Variants in ALDH3B2 observed in about 807,000 individuals in gnomAD.
The protein encoded by ALDH3B2 is aldehyde dehydrogenase 3 family member B2, also known as aldehyde dehydrogenase family 3 member B2.
A neutral mutation model predicts 36.7 loss-of-function variants in ALDH3B2; 45 were observed. The observed-to-expected ratio is 1.23, with a 90% CI of 0.97 to 1.57. The LOEUF is 1.57. Ranked by LOEUF, ALDH3B2 falls within the 40% of genes most tolerant of loss-of-function variation. The pLI is 0.00. For synonymous variants in ALDH3B2, 217 were observed against 226.5 expected (o/e 0.96, Z 0.38); for missense variants, 464 against 513.3 (o/e 0.90, Z 0.93).
exon 7 of ALDH3B2, chr11:67,665,438 T>A: frequency 6.2e-7 from 1 of 1,613,916 alleles, no homozygotes; most frequent in Non-Finnish European, 8.5e-7. Flanking sequence ...GTGATGGTGC[T>A]CTGCAGGGCG....
At chr11:67,667,045 C>T in intron 2 of ALDH3B2, 29 bp from the exon 3 acceptor site, 1 of 1,402,624 alleles carries the variant, frequency 7.1e-7, no homozygotes, top group East Asian at 2.3e-5. Flanking sequence ...TCAGAGTGGT[C>T]AGGCCCAGAC....
intron 1 of ALDH3B2, among the ~76,000 whole-genome samples, chr11:67,668,520 CTGTGTCTTTGTGTATCCGTGTGTCTGTG>C (rs1187939222): frequency 2.6e-5 from 4 of 152,092 alleles, no homozygotes; most frequent in Admixed American, 6.5e-5. Flanking sequence ...TGCGCAAATC[CTGTGTCTTTGTGTATCCGTGTGTCTGTG>C]TGTGTCTTTG....
At chr11:67,668,903 T>A (rs1186217650) in intron 1 of ALDH3B2, among the ~76,000 whole-genome samples, 1 of 151,284 alleles carries the variant, frequency 6.6e-6, no homozygotes, top group Non-Finnish European at 1.5e-5. Flanking sequence ...TGTGTATGGG[T>A]GCTGTGTGTC....
In ALDH3B2 at chr11:67,663,640, GT is replaced by G. The variant is rs765018419; in HGVS notation, c.973+21del. 9 of 1,598,444 alleles carry G rather than the reference GT, an allele frequency of 5.6e-6. No individual in the cohort carries two copies. In the Admixed American group the frequency reaches 1.4e-4, roughly 24 times the overall value. On this transcript the variant is annotated intron_variant, in intron 9 of 9. Transcript: ENST00000349015. Reference sequence around the variant, plus strand: ...GTACCAAAGCCAAGCTTCCCTAGGGGTGGAAATGGGCAGGGACCCACCGACT... The same window carrying G: ...GTACCAAAGCCAAGCTTCCCTAGGGGGGAAATGGGCAGGGACCCACCGACT...
chr11:67,669,620 T>TGTC (rs1309130214), intron 1 of ALDH3B2, among the ~76,000 whole-genome samples: 1 of 139,630 alleles, frequency 7.2e-6, no homozygotes. Flanking sequence ...TGTATGGGTG[T>TGTC]TATATGTGTA....
Position 67,664,387 on chromosome 11 carries a change from C to T in ALDH3B2, c.873+9G>A. ...CCCTCCATTGCCCCCAACCCGGCCG[C>T]ACCCCCACCTGGCTGCTGTTGGAGA... On this transcript the variant is annotated intron_variant, in intron 8 of 9. Transcript: ENST00000349015. 6.2e-7 allele frequency: 1 copy of T among 1,614,014 alleles called. No homozygotes were observed. The highest frequency in any genetic ancestry group is 1.7e-5 in the Admixed American group (1 of 60,026).
chr11:67,676,295 C>A (rs1241071132), upstream of ALDH3B2, among the ~76,000 whole-genome samples: 1 of 151,990 alleles, frequency 6.6e-6, no homozygotes, highest in African/African-American at 2.4e-5. Context: ...GAAATCAACT[C>A]CAAAAAGAAC....
chr11:67,666,060 T>C, intron 6 of ALDH3B2, 62 bp downstream of exon 6: 5 of 1,008,216 alleles, frequency 5.0e-6, no homozygotes, highest in Non-Finnish European at 7.4e-6. Context: ...TCCACAACCC[T>C]CCCACCCTCT....
chr11:67,672,986 A>G (rs1856172876), intron 1 of ALDH3B2, among the ~76,000 whole-genome samples: 1 of 142,272 alleles, frequency 7.0e-6, no homozygotes, highest in African/African-American at 2.7e-5. Context: ...GCTGGAGTGC[A>G]GTGGTGCGAT....
chr11:67,663,038 A>G (rs1349090689), exon 10 of ALDH3B2: 1 of 802,766 alleles, frequency 1.2e-6, no homozygotes, highest in East Asian at 2.5e-5. Context: ...CGTCCCCCAG[A>G]TAGAAGCAAG....
exon 10 of ALDH3B2, chr11:67,662,855 G>A (rs749790269): frequency 7.0e-6 from 2 of 285,650 alleles, no homozygotes; most frequent in South Asian, 4.3e-5. Flanking sequence ...GCTCTCAACC[G>A]TTCAGGGCTG....
chr11:67,669,496 CTG>C (rs1049031814), intron 1 of ALDH3B2, among the ~76,000 whole-genome samples: 1 of 113,776 alleles, frequency 8.8e-6, no homozygotes, highest in African/African-American at 3.5e-5. Flanking sequence ...GTATGGATGT[CTG>C]TGTGTCTGCG....
chr11:67,663,437 A>T, intron 9 of ALDH3B2, 38 bp from the exon 10 acceptor site: 1 of 1,582,660 alleles, frequency 6.3e-7, no homozygotes, highest in Non-Finnish European at 8.6e-7. Context: ...GAGACCAGGC[A>T]GCCCATGGAG....
At chr11:67,665,255 G>T in intron 7 of ALDH3B2, 30 bp downstream of exon 7, 1 of 1,571,910 alleles carries the variant, frequency 6.4e-7, no homozygotes, top group Non-Finnish European at 8.6e-7. Context: ...TCTTGGCCCA[G>T]GTGGGCTGCG....
At position 67,670,489 on chromosome 11, in the gene ALDH3B2, C is replaced by T. The variant is rs1250240870; in HGVS notation, c.-244-2854G>A. Among the ~76,000 whole-genome samples the T allele has an allele frequency of 3.9e-5, 6 of 152,118 alleles. No homozygotes were observed. The East Asian group carries it at 1.2e-3, about 29-fold the overall frequency. On this transcript the variant is annotated intron_variant, in intron 1 of 9. Transcript: ENST00000349015. The stretch of plus-strand genomic sequence containing the variant: ...CAGTGGGGGTGGGTGGTGAGCAGGG[C>T]CTTGGCATCCCCAGTGAGTGTCCTG...
rs779431883 is a variant in ALDH3B2, at chr11:67,663,470, C to T, written c.974-71G>A. ...GAGCCCCAGCAGCAGCCCACTGCCC[C>T]GGCCAGGGCACACAGCTGGCAGGGA... On this transcript the variant is annotated intron_variant, in intron 9 of 9. Coordinates refer to ENST00000349015, the Ensembl canonical transcript of ALDH3B2. The T allele has an allele frequency of 3.7e-4, 570 of 1,535,784 alleles. 2 individuals carry two copies. In the Middle Eastern group the frequency reaches 4.0e-3, roughly 11 times the overall value.
At chr11:67,675,563 T>C (rs982454135), upstream of ALDH3B2, among the ~76,000 whole-genome samples, 1 of 152,156 alleles carries the variant, frequency 6.6e-6, no homozygotes, top group Non-Finnish European at 1.5e-5. Flanking sequence ...TGTGCAGCCC[T>C]GTGGGCAGGA....
intron 1 of ALDH3B2, among the ~76,000 whole-genome samples, chr11:67,670,884 C>A (rs1856090653): frequency 6.6e-6 from 1 of 152,348 alleles, no homozygotes; most frequent in East Asian, 1.9e-4. Context: ...TTGCTCAAGC[C>A]CTTGGGCTAG....
chr11:67,677,108 C>G (rs1355828089), upstream of ALDH3B2, among the ~76,000 whole-genome samples: 1 of 152,152 alleles, frequency 6.6e-6, no homozygotes, highest in Non-Finnish European at 1.5e-5. Flanking sequence ...TTCTATGAAG[C>G]CAGCATCATC....
Sources: allele counts gnomAD v4.1 joint callset (sites outside exome capture counted in the v4.1 genomes callset), GRCh38; gene constraint gnomAD v4.1.1; transcripts MANE v1.5; gene names NCBI Gene and HGNC (gene_info 2026-07-23, HGNC 2026-07-21).